Variants in NFIC observed in about 807,000 individuals in gnomAD.
The protein encoded by NFIC is nuclear factor I C.
Under a neutral mutation model 54.4 loss-of-function variants are expected in NFIC, and 12 were observed. The observed-to-expected ratio is 0.22, with a 90% CI of 0.14 to 0.36. NFIC has a LOEUF of 0.36. Among genes scored for constraint, NFIC ranks in the 10% least tolerant of loss-of-function variants. NFIC has a pLI of 1.00. For synonymous variants in NFIC, 322 were observed against 319.2 expected, an observed-to-expected ratio of 1.01 and a Z score of -0.09; for missense variants, 575 against 718.2, an observed-to-expected ratio of 0.80 and a Z score of 2.28.
Position 3,376,758 on chromosome 19 carries a change from C to T in NFIC, c.31-4954C>T, listed in dbSNP as rs181987185. On this transcript the variant is annotated intron_variant, in intron 1 of 10. Coordinates refer to ENST00000443272, the MANE Select transcript of NFIC (RefSeq NM_001245002.2). ...ATTTATTTATTTTGAGACGGAGTCT[C>T]GCTCTTGTTGCCCAGGCTGGAGTGC... Among the ~76,000 whole-genome samples, 48 of 152,162 alleles carry T rather than the reference C, an allele frequency of 3.2e-4. No individual in the cohort carries two copies. In the East Asian group the frequency reaches 7.8e-3, roughly 25 times the overall value.
At chr19:3,405,060 T>A (rs1568426027) in intron 2 of NFIC, among the ~76,000 whole-genome samples, 1 of 152,086 alleles carries the variant, frequency 6.6e-6, no homozygotes, top group Non-Finnish European at 1.5e-5. Flanking sequence ...AGCCAGGCCA[T>A]GGAGCCGGCG....
chr19:3,396,630 G>A (rs547728552), intron 2 of NFIC, among the ~76,000 whole-genome samples: 7 of 152,142 alleles, frequency 4.6e-5, no homozygotes, highest in African/African-American at 9.6e-5. Flanking sequence ...ACGGCCGCTC[G>A]TAGCCCAGAG....
intron 2 of NFIC, among the ~76,000 whole-genome samples, chr19:3,387,497 A>AT (rs2081315375): frequency 6.6e-6 from 1 of 152,144 alleles, no homozygotes; most frequent in African/African-American, 2.4e-5. Context: ...CTCTGTCTCA[A>AT]AAAATAAAAA....
chr19:3,363,909 C>T (rs1037148868), upstream of NFIC, among the ~76,000 whole-genome samples: 3 of 152,236 alleles, frequency 2.0e-5, no homozygotes, highest in Admixed American at 2.0e-4. Context: ...AGGGGGAGAG[C>T]TCTCCAGCTT....
intron 2 of NFIC, among the ~76,000 whole-genome samples, chr19:3,384,865 G>A (rs927243792): frequency 6.6e-6 from 1 of 152,132 alleles, no homozygotes; most frequent in Non-Finnish European, 1.5e-5. Flanking sequence ...CCGTGGGGAC[G>A]GAGGTTCTCA....
At chr19:3,360,571 A>G (rs1210513022) in intron 1 of NFIC, among the ~76,000 whole-genome samples, 3 of 152,072 alleles carry the variant, frequency 2.0e-5, no homozygotes, top group East Asian at 1.9e-4. Context: ...GCGGGGTGGT[A>G]GTGTACCTGC....
chr19:3,401,466 G>A (rs1420585994), intron 2 of NFIC, among the ~76,000 whole-genome samples: 1 of 152,188 alleles, frequency 6.6e-6, no homozygotes, highest in African/African-American at 2.4e-5. Context: ...CACCTGGGTC[G>A]TTTATACCTT....
chr19:3,378,261 CAAAA>C (rs77487928), intron 1 of NFIC, among the ~76,000 whole-genome samples: 2 of 51,680 alleles, frequency 3.9e-5, no homozygotes, highest in Non-Finnish European at 8.1e-5. Context: ...AACTCTGTCT[CAAAA>C]AAAAAAAAAA....
At chr19:3,404,992 G>A (rs963673302) in intron 2 of NFIC, among the ~76,000 whole-genome samples, 17 of 152,168 alleles carry the variant, frequency 1.1e-4, no homozygotes, top group Non-Finnish European at 1.5e-5. Context: ...GGGCGGTGGT[G>A]GCCGCTGACC....
At chr19:3,414,867 G>T (rs1239920905) in intron 2 of NFIC, among the ~76,000 whole-genome samples, 1 of 151,786 alleles carries the variant, frequency 6.6e-6, no homozygotes, top group Non-Finnish European at 1.5e-5. Context: ...TGAGACAGAG[G>T]CTCGCTCTGT....
At chr19:3,371,028 G>T (rs949399662) in intron 1 of NFIC, among the ~76,000 whole-genome samples, 7 of 152,238 alleles carry the variant, frequency 4.6e-5, no homozygotes, top group Non-Finnish European at 8.8e-5. Flanking sequence ...GATCTGCCTT[G>T]ATGGGGGTCA....
At chr19:3,385,077 G>A (rs1350511590) in intron 2 of NFIC, among the ~76,000 whole-genome samples, 1 of 149,146 alleles carries the variant, frequency 6.7e-6, no homozygotes, top group African/African-American at 2.5e-5. Flanking sequence ...GGTCAGGTTG[G>A]CCTCTCTGAG....
intron 1 of NFIC, among the ~76,000 whole-genome samples, chr19:3,372,828 AG>A (rs1350900184): frequency 6.6e-6 from 1 of 151,006 alleles, no homozygotes; most frequent in Non-Finnish European, 1.5e-5. Context: ...GTGCAATGAT[AG>A]TCCCCACTTT....
At chr19:3,426,357 G>T (rs1301456266) in intron 3 of NFIC, among the ~76,000 whole-genome samples, 1 of 152,114 alleles carries the variant, frequency 6.6e-6, no homozygotes, top group Non-Finnish European at 1.5e-5. Flanking sequence ...GGGATCATAG[G>T]TGTGAGCCAC....
intron 2 of NFIC, among the ~76,000 whole-genome samples, chr19:3,406,755 G>A (rs2081655771): frequency 6.6e-6 from 1 of 152,160 alleles, no homozygotes; most frequent in Non-Finnish European, 1.5e-5. Flanking sequence ...CAGGAGGGAT[G>A]TGAGGAGGCG....
At chr19:3,436,658 A>C (rs1319013813) in intron 6 of NFIC, among the ~76,000 whole-genome samples, 1 of 151,058 alleles carries the variant, frequency 6.6e-6, no homozygotes, top group East Asian at 2.0e-4. Context: ...TATTTTTAGT[A>C]GAGACAGTGT....
At position 3,372,106 on chromosome 19, in the gene NFIC, C is replaced by T. The variant is rs189564441; in HGVS notation, c.30+5440C>T. ...CGTGATCTCAGCTCACTGCAACCTC[C>T]GCCTCCTGGGTTCACGCGATTCTCC... On this transcript the variant is annotated intron_variant, in intron 1 of 10. Coordinates refer to ENST00000443272, the MANE Select transcript of NFIC (RefSeq NM_001245002.2). Among the ~76,000 whole-genome samples, 11 of 150,464 alleles carry T rather than the reference C, an allele frequency of 7.3e-5. No homozygotes were observed. The South Asian group carries it at 1.9e-3, about 26-fold the overall frequency.
intron 3 of NFIC, among the ~76,000 whole-genome samples, chr19:3,430,112 C>T (rs1008816243): frequency 2.0e-5 from 3 of 152,120 alleles, no homozygotes; most frequent in African/African-American, 7.2e-5. Context: ...TGATGCACCT[C>T]GCATTTGACT....
chr19:3,382,085 T>G lies in NFIC; in HGVS notation c.404T>G (p.Val135Gly), dbSNP rs947109970. ...DKVWRLDLVM[V>G]ILFKGIPLES... ...GTGTGGCGGCTGGACCTGGTCATGG[T>G]CATCCTGTTCAAGGGCATCCCGCTG... Residue 135 changes from valine (V) to glycine (G), a missense_variant, in exon 2 of 11, where the codon GTC becomes GGC. Val to Gly is a moderately radical substitution (Grantham distance 109). Around this residue, in one of 3 missense-constraint regions of NFIC, gnomAD observed 447 missense variants for 526.9 expected, o/e 0.85. Transcript: ENST00000443272. 1 of 1,613,202 alleles carries G rather than the reference T, an allele frequency of 6.2e-7. No individual in the cohort carries two copies. The highest frequency in any genetic ancestry group is 8.5e-7 in the Non-Finnish European group (1 of 1,179,944).
Sources: allele counts gnomAD v4.1 joint callset (sites outside exome capture counted in the v4.1 genomes callset), GRCh38; gene constraint gnomAD v4.1.1; regional missense constraint gnomAD v4.1.1; transcripts MANE v1.5; gene names NCBI Gene and HGNC (gene_info 2026-07-23, HGNC 2026-07-21).